TMCO6: variants seen among roughly 807,000 people sequenced by gnomAD.
The protein encoded by TMCO6 is transmembrane and coiled-coil domains 6, also known as transmembrane and coiled-coil domain-containing protein 6.
In TMCO6, 47 loss-of-function variants were observed where a neutral mutation model predicts 61.8. The ratio of observed to expected loss-of-function variants is 0.76; its 90% CI spans 0.60 to 0.97. The LOEUF (loss-of-function observed/expected upper bound fraction) is 0.97. TMCO6 is among the 50% of genes least tolerant of loss of function. TMCO6 has a pLI of 0.00. For synonymous variants in TMCO6, 261 were observed against 254.2 expected, an observed-to-expected ratio of 1.03 and a Z score of -0.25; for missense variants, 557 against 601.6, an observed-to-expected ratio of 0.93 and a Z score of 0.78.
chr5:140,632,197 C>G, the TMCO6 span: 3 of 1,613,500 alleles, frequency 1.9e-6, no homozygotes, highest in Non-Finnish European at 2.5e-6. This position sits in a 1 kb window ranked among gnomAD's most constrained non-coding sequence, Gnocchi z 6.2. Flanking sequence ...TTTACGGTGG[C>G]GCGCAGCGAG....
chr5:140,600,956 G>A, the TMCO6 span, among the ~76,000 whole-genome samples: 1 of 152,256 alleles, frequency 6.6e-6, no homozygotes, highest in Non-Finnish European at 1.5e-5. Flanking sequence ...CCTGACTGAA[G>A]CTTCCACTAG....
the TMCO6 span, among the ~76,000 whole-genome samples, chr5:140,616,212 C>T: frequency 4.3e-3 from 659 of 152,050 alleles, 2 homozygotes; most frequent in Non-Finnish European, 6.9e-3. Context: ...GGATATGGCA[C>T]CACAACCAAC....
chr5:140,645,694 G>A, downstream of TMCO6: 1 of 1,614,180 alleles, frequency 6.2e-7, no homozygotes, highest in Non-Finnish European at 8.5e-7. Context: ...GAGAGAGAGG[G>A]AGGTGTCTTT....
the TMCO6 span, among the ~76,000 whole-genome samples, chr5:140,597,601 T>C: frequency 6.6e-6 from 1 of 152,218 alleles, no homozygotes; most frequent in Non-Finnish European, 1.5e-5. Flanking sequence ...TATTCTTCAT[T>C]CTCTCATTTA....
At chr5:140,620,224 A>G in the TMCO6 span, among the ~76,000 whole-genome samples, 1 of 152,376 alleles carries the variant, frequency 6.6e-6, no homozygotes, top group South Asian at 2.1e-4. Context: ...AGCCATCAAA[A>G]GACATGGAAA....
At chr5:140,619,977 G>A in the TMCO6 span, among the ~76,000 whole-genome samples, 1 of 152,234 alleles carries the variant, frequency 6.6e-6, no homozygotes, top group African/African-American at 2.4e-5. Context: ...TTGGAAGACA[G>A]TTTGGCCGTT....
intron 4 of TMCO6, 104 bp downstream of exon 4, chr5:140,642,157 T>C: frequency 6.8e-7 from 1 of 1,479,226 alleles, no homozygotes; most frequent in Non-Finnish European, 9.2e-7. Flanking sequence ...ATGTTTGCCC[T>C]TATGCCTACA....
In TMCO6 at chr5:140,641,970, G is replaced by T. The variant is rs550584637; in HGVS notation, c.415G>T (p.Glu139Ter). The change falls in exon 4 of 12, where the codon GAG (glutamate) becomes TAG (stop). Residue 139 changes from glutamate to a stop codon, truncating the protein, a stop_gained. Transcript: ENST00000394671. LOFTEE classifies it high-confidence loss of function. ...GTGCCTGCATGAGCTCTCTCACTCC[G>T]AGCAGTCCACTGTTGCTGAGGCCTG... ...ARCLHELSHSEQSTVAEACLP... is the reference protein window; with the variant it reads ...ARCLHELSHS 1.9e-6 allele frequency: 3 copies of T among 1,614,024 alleles called. No individual in the cohort carries two copies. The highest frequency in any genetic ancestry group is 2.5e-6 in the Non-Finnish European group (3 of 1,179,906).
upstream of TMCO6, among the ~76,000 whole-genome samples, chr5:140,638,549 C>A (rs893009445): frequency 2.1e-5 from 3 of 143,750 alleles, no homozygotes; most frequent in Non-Finnish European, 4.5e-5. Context: ...TCCCAGATTT[C>A]TTTCTTTCTT....
chr5:140,607,000 AAT>A, the TMCO6 span, among the ~76,000 whole-genome samples: 1,757 of 134,738 alleles, frequency 0.013, 36 homozygotes, highest in African/African-American at 0.046. Context: ...AAAAAAAAAA[AAT>A]AATAATAATA....
the TMCO6 span, among the ~76,000 whole-genome samples, chr5:140,611,733 G>T: frequency 6.6e-6 from 1 of 152,036 alleles, no homozygotes; most frequent in Non-Finnish European, 1.5e-5. Flanking sequence ...AAGACATATT[G>T]GTCTGTAGTT....
the TMCO6 span, among the ~76,000 whole-genome samples, chr5:140,601,352 A>G: frequency 2.0e-5 from 3 of 152,154 alleles, no homozygotes; most frequent in Admixed American, 2.0e-4. Context: ...TTTGTCATCA[A>G]TCCTTATACT....
chr5:140,633,212 T>C, the TMCO6 span: 1 of 1,047,072 alleles, frequency 9.6e-7, no homozygotes. Context: ...TATGTAATCC[T>C]GGGATGTCAT....
rs772898434 is a variant in TMCO6 at position 140,643,840 on chromosome 5, G to A, written c.979G>A (p.Val327Met). 1 of 1,614,230 alleles carries A rather than the reference G, an allele frequency of 6.2e-7. No homozygotes were observed. Among genetic ancestry groups the A allele is most frequent in the East Asian group, 2.2e-5 (1 of 44,882 alleles). ...NLLTEAAVET[V>M]GGQMQLRDER... ...GCTAACTGAGGCAGCAGTGGAGACTGTGGGAGGGCAAATGCAGCTCAGAGA... is the reference window on the plus strand; with the variant it reads ...GCTAACTGAGGCAGCAGTGGAGACTATGGGAGGGCAAATGCAGCTCAGAGA... The change falls in exon 9 of 12, where the codon GTG (valine) becomes ATG (methionine). Residue 327 changes from valine to methionine, a missense_variant. Physicochemically the swap from Val to Met is conservative, Grantham distance 21. Transcript: ENST00000394671.
downstream of TMCO6, chr5:140,647,065 T>C (rs900597263): frequency 4.3e-5 from 28 of 654,792 alleles, no homozygotes; most frequent in African/African-American, 5.5e-5. Context: ...TGCATACTTA[T>C]GTTGCCCGGA....
chr5:140,599,764 G>A, the TMCO6 span, among the ~76,000 whole-genome samples: 1 of 152,136 alleles, frequency 6.6e-6, no homozygotes, highest in Non-Finnish European at 1.5e-5. Flanking sequence ...AGCTGGGCAT[G>A]GTGGTGCACA....
chr5:140,642,234 C>T (rs1757084638), intron 4 of TMCO6, 81 bp from the exon 5 acceptor site: 1 of 1,427,450 alleles, frequency 7.0e-7, no homozygotes, highest in Non-Finnish European at 9.6e-7. Context: ...CCAGCGTCCC[C>T]ATCACCTCCC....
downstream of TMCO6, chr5:140,647,532 C>T (rs1757476208): frequency 6.2e-7 from 1 of 1,612,396 alleles, no homozygotes; most frequent in South Asian, 1.1e-5. Flanking sequence ...ATGCGAATCT[C>T]ACGCAGGCCC....
chr5:140,636,273 T>C (rs1347880969), upstream of TMCO6, among the ~76,000 whole-genome samples: 2 of 152,102 alleles, frequency 1.3e-5, no homozygotes, highest in African/African-American at 2.4e-5. Context: ...GCTGGGATTA[T>C]AGGCATGAGC....
Sources: allele counts gnomAD v4.1 joint callset (sites outside exome capture counted in the v4.1 genomes callset), GRCh38; gene constraint gnomAD v4.1.1; non-coding constraint Gnocchi (gnomAD v3.1); transcripts MANE v1.5; gene names NCBI Gene and HGNC (gene_info 2026-07-23, HGNC 2026-07-21).